The following KCNS3 variants were observed in gnomAD, a reference collection of about 807,000 sequenced individuals.
KCNS3 encodes the protein delayed-rectifier potassium channel regulatory subunit KCNS3.
A neutral mutation model predicts 31.0 loss-of-function variants in KCNS3; 13 were observed. The observed-to-expected ratio is 0.42, with a 90% CI of 0.27 to 0.67. KCNS3 has a LOEUF of 0.67. KCNS3 is among the 30% of genes least tolerant of loss of function. The probability of loss-of-function intolerance (pLI) is 0.25; values close to 1 mark genes in which losing one functional copy is unlikely to be tolerated. For synonymous variants in KCNS3, 238 were observed against 241.5 expected, an observed-to-expected ratio of 0.99 and a Z score of 0.13; for missense variants, 545 against 622.4, an observed-to-expected ratio of 0.88 and a Z score of 1.32.
chr2:17,907,655 G>A (rs1035231143), intron 1 of KCNS3, among the ~76,000 whole-genome samples: 18 of 152,068 alleles, frequency 1.2e-4, no homozygotes, highest in African/African-American at 4.1e-4. Flanking sequence ...GGCAGGCCTG[G>A]TGGTGACAAA....
At chr2:17,923,323 T>G (rs1211217033) in intron 2 of KCNS3, among the ~76,000 whole-genome samples, 3 of 152,156 alleles carry the variant, frequency 2.0e-5, no homozygotes, top group African/African-American at 7.2e-5. Context: ...TTTGTCTTTT[T>G]ATTATTGAGT....
In KCNS3 at chr2:17,931,662, T is replaced by C. The variant is rs762630059; in HGVS notation, c.654T>C (p.Asp218=). 2 of 1,614,164 alleles carry C rather than the reference T, an allele frequency of 1.2e-6. No homozygotes were observed. The highest frequency in any genetic ancestry group is 1.7e-6 in the Non-Finnish European group (2 of 1,180,022). The change falls in exon 3 of 3, where the codon GAT becomes GAC. Residue 218 remains aspartate, a synonymous_variant. Coordinates refer to ENST00000304101, the MANE Select transcript of KCNS3 (RefSeq NM_002252.5). This position sits in a 1 kb window ranked among gnomAD's most constrained non-coding sequence, Gnocchi z 5.4. ...SEFQNEDGEV[D]DPVLEGVEIA... ...TCCAGAATGAGGATGGAGAAGTGGA[T>C]GATCCGGTGCTGGAAGGAGTGGAGA...
intron 1 of KCNS3, among the ~76,000 whole-genome samples, chr2:17,893,395 C>A (rs191704387): frequency 4.1e-4 from 62 of 152,358 alleles, no homozygotes; most frequent in African/African-American, 1.5e-3. Context: ...GTGAAGTCTG[C>A]ATGCCGGATT....
intron 1 of KCNS3, among the ~76,000 whole-genome samples, chr2:17,889,529 A>G (rs1298876895): frequency 2.0e-5 from 3 of 151,990 alleles, no homozygotes; most frequent in Non-Finnish European, 4.4e-5. Context: ...AATGCTTTCA[A>G]CTTTTCCCCA....
intron 1 of KCNS3, among the ~76,000 whole-genome samples, chr2:17,883,544 A>G (rs975230569): frequency 1.3e-5 from 2 of 152,206 alleles, no homozygotes; most frequent in African/African-American, 4.8e-5. Context: ...AGAGGGTCAG[A>G]GAAGACCTTT....
At chr2:17,890,346 C>T (rs1661816275) in intron 1 of KCNS3, among the ~76,000 whole-genome samples, 1 of 151,848 alleles carries the variant, frequency 6.6e-6, no homozygotes, top group African/African-American at 2.4e-5. Context: ...AATGGTCTAC[C>T]AATTTTATTT....
chr2:17,927,130 A>T (rs1662856711), intron 2 of KCNS3, among the ~76,000 whole-genome samples: 1 of 152,214 alleles, frequency 6.6e-6, no homozygotes, highest in South Asian at 2.1e-4. Context: ...ACAGATCTCT[A>T]CAGCAGGGGG....
chr2:17,908,415 T>G (rs1376206255), intron 1 of KCNS3, among the ~76,000 whole-genome samples: 3 of 152,234 alleles, frequency 2.0e-5, no homozygotes, highest in African/African-American at 7.2e-5. Flanking sequence ...ACTTCCTCCT[T>G]TAGCTCGGAG....
At chr2:17,898,727 A>G (rs957677801) in intron 1 of KCNS3, among the ~76,000 whole-genome samples, 1 of 152,180 alleles carries the variant, frequency 6.6e-6, no homozygotes, top group Non-Finnish European at 1.5e-5. Context: ...TCAGAGAGGG[A>G]GCAAGGATGT....
chr2:17,892,477 T>C (rs574488524), intron 1 of KCNS3, among the ~76,000 whole-genome samples: 21 of 152,128 alleles, frequency 1.4e-4, no homozygotes, highest in Non-Finnish European at 2.6e-4. Flanking sequence ...GCTGGTGAAC[T>C]AGTGTGATTT....
intron 1 of KCNS3, among the ~76,000 whole-genome samples, chr2:17,908,906 C>T (rs1662403410): frequency 6.6e-6 from 1 of 152,210 alleles, no homozygotes; most frequent in South Asian, 2.1e-4. Context: ...GCTCGGGGGT[C>T]AGGGACTCAC....
At position 17,932,632 on chromosome 2, in the gene KCNS3, G is replaced by C; in HGVS notation, c.*148G>C. The C allele has an allele frequency of 1.3e-6, 1 of 786,474 alleles. No homozygotes were observed. Among genetic ancestry groups the C allele is most frequent in the Non-Finnish European group, 2.0e-6 (1 of 505,062 alleles). The allele number at this position is 786,474 out of a possible 1,614,324, so 48.7% of individuals were successfully genotyped here. A position where few individuals can be genotyped will look rare whatever the true frequency, so the allele number is the denominator to read the frequency against. On this transcript the variant is annotated 3_prime_UTR_variant, in exon 3 of 3. Transcript: ENST00000304101. ...GACATTCATTGCTGAATTCTGAAAT[G>C]ATAGAATTGTCTTTATTTTTCTCTG...
At chr2:17,884,775 A>G (rs186709162) in intron 1 of KCNS3, among the ~76,000 whole-genome samples, 8 of 152,320 alleles carry the variant, frequency 5.3e-5, no homozygotes, top group African/African-American at 1.7e-4. Flanking sequence ...CTTCTAGAAC[A>G]TTAGACATTT....
At chr2:17,878,332 G>T (rs1188341436), upstream of KCNS3, among the ~76,000 whole-genome samples, 13 of 152,200 alleles carry the variant, frequency 8.5e-5, no homozygotes, top group African/African-American at 3.1e-4. Context: ...AGGAGGGCGC[G>T]CAGGTGGGAG....
rs1220160840 is a variant in KCNS3 at position 17,931,302 on chromosome 2, A to G, written c.294A>G (p.Ser98=). The part of the protein sequence containing the change: ...LHVMEELCVF[S]FCQEIEYWGI... ...TCATGGAGGAGCTGTGCGTATTCTC[A>G]TTCTGCCAGGAGATCGAGTACTGGG... Residue 98 remains serine (S), a synonymous_variant, in exon 3 of 3, where the codon TCA becomes TCG. Coordinates refer to ENST00000304101, the MANE Select transcript of KCNS3 (RefSeq NM_002252.5). The surrounding 1 kb of genome is among the most constrained non-coding windows in gnomAD (Gnocchi z 5.4). 6 of 1,613,726 alleles carry G rather than the reference A, an allele frequency of 3.7e-6. No homozygotes were observed. Among genetic ancestry groups the G allele is most frequent in the Non-Finnish European group, 5.1e-6 (6 of 1,179,736 alleles).
At chr2:17,880,038 T>A (rs1245435391) in intron 1 of KCNS3, among the ~76,000 whole-genome samples, 1 of 152,240 alleles carries the variant, frequency 6.6e-6, no homozygotes, top group Non-Finnish European at 1.5e-5. Flanking sequence ...TTTCTTTCCC[T>A]GTATTTACTC....
At chr2:17,905,033 C>T (rs1300449058) in intron 1 of KCNS3, among the ~76,000 whole-genome samples, 1 of 152,172 alleles carries the variant, frequency 6.6e-6, no homozygotes, top group Non-Finnish European at 1.5e-5. Flanking sequence ...GGCATTGAAT[C>T]TATAAATTAC....
At position 17,925,259 on chromosome 2, in the gene KCNS3, G is replaced by A. The variant is rs559828938; in HGVS notation, c.-59-5691G>A. On this transcript the variant is annotated intron_variant, in intron 2 of 2. Transcript: ENST00000304101. ...TGGAATTCAGGAAAAGCTTACCAGCGTCAACATCAACATGAACCTTAGGAC... is the reference window on the plus strand; with the variant it reads ...TGGAATTCAGGAAAAGCTTACCAGCATCAACATCAACATGAACCTTAGGAC... Among the ~76,000 whole-genome samples the A allele has an allele frequency of 9.2e-5, 14 of 152,174 alleles. No homozygotes were observed. In the South Asian group the frequency reaches 2.7e-3, roughly 29 times the overall value.
intron 1 of KCNS3, among the ~76,000 whole-genome samples, chr2:17,895,968 C>A (rs764839347): frequency 1.3e-5 from 2 of 152,092 alleles, no homozygotes; most frequent in Non-Finnish European, 2.9e-5. Flanking sequence ...TAGACTCCAT[C>A]CTGAAGATGC....
Sources: allele counts gnomAD v4.1 joint callset (sites outside exome capture counted in the v4.1 genomes callset), GRCh38; gene constraint gnomAD v4.1.1; non-coding constraint Gnocchi (gnomAD v3.1); transcripts MANE v1.5; gene names NCBI Gene and HGNC (gene_info 2026-07-23, HGNC 2026-07-21).